NUP205: variants seen among roughly 807,000 people sequenced by gnomAD.
The protein encoded by NUP205 is nucleoporin 205, also known as nuclear pore complex protein Nup205.
In NUP205, 76 loss-of-function variants were observed where a neutral mutation model predicts 253.8. That is an observed-to-expected ratio of 0.30 (90% CI 0.25 to 0.36). The LOEUF is 0.36. Ranked by LOEUF, NUP205 falls within the 10% of genes least tolerant of loss-of-function variation. The pLI, the probability that NUP205 is intolerant of heterozygous loss-of-function variation, is 1.00. For synonymous variants in NUP205, 832 were observed against 850.1 expected, an observed-to-expected ratio of 0.98 and a Z score of 0.37; for missense variants, 2,162 against 2,425.5, an observed-to-expected ratio of 0.89 and a Z score of 2.28.
intron 31 of NUP205, among the ~76,000 whole-genome samples, 194 bp downstream of exon 31, chr7:135,623,119 A>T (rs571070512): frequency 3.9e-5 from 6 of 152,240 alleles, no homozygotes; most frequent in African/African-American, 1.4e-4. Flanking sequence ...CTCTACAAAA[A>T]ATACAAAAAA....
chr7:135,592,951 T>C (rs1351893247), intron 11 of NUP205, 36 bp from the exon 12 acceptor site: 1 of 1,423,380 alleles, frequency 7.0e-7, no homozygotes, highest in African/African-American at 1.4e-5. Flanking sequence ...GCTTAGATGT[T>C]TTTTAAATAA....
intron 31 of NUP205, among the ~76,000 whole-genome samples, chr7:135,623,345 T>A (rs1794516892): frequency 6.6e-6 from 1 of 152,246 alleles, no homozygotes; most frequent in Non-Finnish European, 1.5e-5. Flanking sequence ...TTAAGAATCA[T>A]TTTTTATAAT....
At chr7:135,567,140 A>C (rs1003741757) in intron 1 of NUP205, among the ~76,000 whole-genome samples, 3,645 of 41,478 alleles carry the variant, frequency 0.088, 584 homozygotes, top group South Asian at 0.21. Flanking sequence ...ATATATATAT[A>C]TATATATATA....
chr7:135,576,900 A>C (rs1289174748), intron 4 of NUP205, 69 bp from the exon 5 acceptor site: 4 of 1,458,790 alleles, frequency 2.7e-6, no homozygotes, highest in Non-Finnish European at 3.7e-6. Context: ...AGCGTTTGCT[A>C]TACCTATTAT....
At chr7:135,600,260 G>A (rs150745153) in intron 15 of NUP205, among the ~76,000 whole-genome samples, 17 of 152,196 alleles carry the variant, frequency 1.1e-4, no homozygotes, top group African/African-American at 3.6e-4. Context: ...AATACATTTT[G>A]AATAAGAAGG....
At chr7:135,608,697 ACT>A (rs1448794939) in intron 22 of NUP205, among the ~76,000 whole-genome samples, 1 of 151,974 alleles carries the variant, frequency 6.6e-6, no homozygotes, top group Non-Finnish European at 1.5e-5. Context: ...GCAAAGTGAG[ACT>A]CTGTCTCAAA....
intron 11 of NUP205, among the ~76,000 whole-genome samples, chr7:135,592,247 G>A (rs928419366): frequency 2.0e-5 from 3 of 152,184 alleles, no homozygotes; most frequent in African/African-American, 7.2e-5. Context: ...TTTTGCTTCC[G>A]ATGCTTGGTA....
intron 13 of NUP205, among the ~76,000 whole-genome samples, chr7:135,594,983 C>T (rs1392359869): frequency 1.3e-5 from 2 of 152,030 alleles, no homozygotes; most frequent in East Asian, 1.9e-4. Context: ...CCTTATTTTT[C>T]GATGTCTATT....
chr7:135,625,632 C>A (rs1189614025), intron 32 of NUP205, among the ~76,000 whole-genome samples: 1 of 152,152 alleles, frequency 6.6e-6, no homozygotes, highest in Non-Finnish European at 1.5e-5. Flanking sequence ...GAGGACAGAG[C>A]AAAATTGTCC....
chr7:135,642,254 C>CA (rs918248468), intron 38 of NUP205, among the ~76,000 whole-genome samples: 1,479 of 103,492 alleles, frequency 0.014, 21 homozygotes, highest in East Asian at 0.1. Flanking sequence ...GACTCCATCT[C>CA]AAAAAAAAAA....
At chr7:135,581,330 G>A (rs1012927912) in intron 7 of NUP205, among the ~76,000 whole-genome samples, 1 of 152,138 alleles carries the variant, frequency 6.6e-6, no homozygotes, top group African/African-American at 2.4e-5. Flanking sequence ...GATTGCTTGA[G>A]CCCAGGAGTT....
At position 135,607,230 on chromosome 7, in the gene NUP205, T is replaced by A. The variant is rs1794104572; in HGVS notation, c.3071-17T>A. On this transcript the variant is annotated splice_polypyrimidine_tract_variant and intron_variant, in intron 21 of 42. Coordinates refer to ENST00000285968, the MANE Select transcript of NUP205 (RefSeq NM_015135.3). ...AATTCTAAAAGAAAAGTTGAATTTC[T>A]TTTTGGTTTCATGCAGGAGTGTTAG... 1 of 1,592,806 alleles carries A rather than the reference T, an allele frequency of 6.3e-7. No homozygotes were observed. The highest frequency in any genetic ancestry group is 1.2e-5 in the South Asian group (1 of 86,456).
Position 135,616,719 on chromosome 7 carries a change from T to C in NUP205, c.3525T>C (p.Ala1175=). The change falls in exon 25 of 43, where the codon GCT becomes GCC. Residue 1175 remains alanine (A), a synonymous_variant. Coordinates refer to ENST00000285968, the MANE Select transcript of NUP205 (RefSeq NM_015135.3). The stretch of plus-strand genomic sequence containing the variant: ...CTGGGTTCCTTCACTTTGACACTGC[T>C]ACAAAAGGTAATGCCCTTTGAATTT... ...SVSGFLHFDT[A]TKVRRKILNI... 6.5e-7 allele frequency: 1 copy of C among 1,547,222 alleles called. No homozygotes were observed. The highest frequency in any genetic ancestry group is 8.7e-7 in the Non-Finnish European group (1 of 1,147,922).
intron 35 of NUP205, among the ~76,000 whole-genome samples, chr7:135,631,156 A>G (rs1371958853): frequency 6.6e-6 from 1 of 152,148 alleles, no homozygotes; most frequent in Non-Finnish European, 1.5e-5. Flanking sequence ...GACCTTTTAC[A>G]TGCTGTTTTA....
In NUP205 at chr7:135,593,006, A is replaced by G. The variant is rs775354528; in HGVS notation, c.1644A>G (p.Ala548=). 2 of 1,612,982 alleles carry G rather than the reference A, an allele frequency of 1.2e-6. No homozygotes were observed. Among genetic ancestry groups the G allele is most frequent in the South Asian group, 2.2e-5 (2 of 91,048 alleles). Reference sequence around the variant, plus strand: ...TTATAGTTGAAAATATTCAGGGAGCAGGTGGCAGTCCTGTTTCCTGGGAAC... The same window carrying G: ...TTATAGTTGAAAATATTCAGGGAGCGGGTGGCAGTCCTGTTTCCTGGGAAC... ...GSSHVENIQG[A]GGSPVSWEHF... is the part of the protein sequence containing the mutation. The change falls in exon 12 of 43, where the codon GCA becomes GCG. Residue 548 remains alanine (A), a synonymous_variant. Coordinates refer to ENST00000285968, the MANE Select transcript of NUP205 (RefSeq NM_015135.3).
At position 135,629,469 on chromosome 7, in the gene NUP205, A is replaced by ATCTCTCTCTC. The variant is rs201403059; in HGVS notation, c.4933-843_4933-834dup. 4.0e-3 allele frequency among the ~76,000 whole-genome samples: 485 copies of ATCTCTCTCTC among 119,770 alleles called. 5 individuals carry two copies. Among genetic ancestry groups the ATCTCTCTCTC allele is most frequent in the East Asian group, 7.8e-3 (28 of 3,568 alleles). 78.6% of individuals were successfully genotyped at this position (119,770 alleles called of 152,430 possible). A position where few individuals can be genotyped will look rare whatever the true frequency, so the allele number is the denominator to read the frequency against. On this transcript the variant is annotated intron_variant, in intron 34 of 42. Transcript: ENST00000285968. ...AGCCTGGGCAACATAGTGAGACCCT[A>ATCTCTCTCTC]TCTCTCTCTCTCTCTCTCTCTCTCT...
At chr7:135,633,679 G>A (rs887014875) in intron 35 of NUP205, among the ~76,000 whole-genome samples, 1 of 152,154 alleles carries the variant, frequency 6.6e-6, no homozygotes, top group African/African-American at 2.4e-5. Context: ...CTGGCCTCAA[G>A]CAATCCTCCC....
chr7:135,609,887 A>G (rs1027072757), intron 22 of NUP205, among the ~76,000 whole-genome samples: 1 of 152,178 alleles, frequency 6.6e-6, no homozygotes, highest in Admixed American at 6.5e-5. Flanking sequence ...AATTTGATAT[A>G]TAAGTAGAAA....
chr7:135,625,461 T>A, intron 32 of NUP205, 106 bp downstream of exon 32: 1 of 822,026 alleles, frequency 1.2e-6, no homozygotes, highest in Non-Finnish European at 1.8e-6. Flanking sequence ...ATTTCTATCA[T>A]AAGCTGGAAT....
Sources: allele counts gnomAD v4.1 joint callset (sites outside exome capture counted in the v4.1 genomes callset), GRCh38; gene constraint gnomAD v4.1.1; transcripts MANE v1.5; gene names NCBI Gene and HGNC (gene_info 2026-07-23, HGNC 2026-07-21).